Variants in MIPOL1 observed in about 807,000 individuals in gnomAD.
MIPOL1 encodes the protein mirror-image polydactyly 1, also known as mirror-image polydactyly gene 1 protein.
MIPOL1 carries 57 observed loss-of-function variants against 60.9 expected under a neutral mutation model. The observed-to-expected ratio is 0.94, with a 90% CI of 0.76 to 1.17. MIPOL1 has a LOEUF of 1.17. Ranked by LOEUF, MIPOL1 falls within the 50% of genes most tolerant of loss-of-function variation. The pLI is 0.00. For missense variants in MIPOL1, 551 were observed against 511.6 expected, an observed-to-expected ratio of 1.08 and a Z score of -0.74; for synonymous variants, 179 against 168.8, an observed-to-expected ratio of 1.06 and a Z score of -0.47.
Position 37,547,017 on chromosome 14 carries a change from A to G in MIPOL1, c.*46A>G, listed in dbSNP as rs2095550210. On this transcript the variant is annotated 3_prime_UTR_variant, in exon 13 of 13. Coordinates refer to ENST00000684589, the MANE Select transcript of MIPOL1 (RefSeq NM_001388067.1). ...GGGGAAGCGATCACATCTGGTGACC[A>G]GGCTGCTTCATTCAACACTGTGTAA... 6.4e-7 allele frequency: 1 copy of G among 1,550,832 alleles called. No individual in the cohort carries two copies. Among genetic ancestry groups the G allele is most frequent in the Non-Finnish European group, 8.9e-7 (1 of 1,123,718 alleles).
intron 3 of MIPOL1, among the ~76,000 whole-genome samples, chr14:37,250,398 A>G (rs971363014): frequency 2.0e-5 from 3 of 151,970 alleles, no homozygotes; most frequent in African/African-American, 7.2e-5. Context: ...AAATACACAA[A>G]TTAGCTGGGT....
chr14:37,233,136 A>G (rs1486219709), intron 1 of MIPOL1, among the ~76,000 whole-genome samples: 2 of 152,164 alleles, frequency 1.3e-5, no homozygotes, highest in Admixed American at 1.3e-4. Context: ...ATGAAATGCT[A>G]CTGAAAACAC....
intron 3 of MIPOL1, among the ~76,000 whole-genome samples, chr14:37,264,812 C>G (rs930733642): frequency 2.6e-5 from 4 of 152,064 alleles, no homozygotes; most frequent in Non-Finnish European, 5.9e-5. Context: ...CAGTTTTTGT[C>G]GGCTTTCTCA....
chr14:37,299,086 G>A (rs900118225), intron 7 of MIPOL1, among the ~76,000 whole-genome samples: 1 of 152,114 alleles, frequency 6.6e-6, no homozygotes, highest in Admixed American at 6.6e-5. Context: ...AGAAAATGTG[G>A]CACATATACA....
chr14:37,282,139 C>A (rs898478587), intron 6 of MIPOL1, among the ~76,000 whole-genome samples: 1 of 151,838 alleles, frequency 6.6e-6, no homozygotes, highest in African/African-American at 2.4e-5. Flanking sequence ...AAGAGCATTT[C>A]AAAATTTTTC....
At chr14:37,389,129 G>T (rs192842530) in intron 10 of MIPOL1, among the ~76,000 whole-genome samples, 14 of 151,926 alleles carry the variant, frequency 9.2e-5, no homozygotes, top group Admixed American at 4.6e-4. Flanking sequence ...GACAATCTAG[G>T]TCTGCTTCTA....
chr14:37,394,946 G>C (rs1403807081), intron 10 of MIPOL1, among the ~76,000 whole-genome samples: 2 of 152,148 alleles, frequency 1.3e-5, no homozygotes, highest in African/African-American at 4.8e-5. Flanking sequence ...TTTGTATAAA[G>C]TGAGAGATAA....
intron 11 of MIPOL1, among the ~76,000 whole-genome samples, chr14:37,463,734 T>C (rs2094566686): frequency 6.6e-6 from 1 of 151,812 alleles, no homozygotes; most frequent in Non-Finnish European, 1.5e-5. Context: ...AAAGCAAATG[T>C]GACAAAAACA....
chr14:37,269,728 T>C (rs1044778829), intron 5 of MIPOL1, among the ~76,000 whole-genome samples: 7 of 152,230 alleles, frequency 4.6e-5, no homozygotes, highest in Non-Finnish European at 1.0e-4. Context: ...TAAGATAAAC[T>C]GTAAAGCAGT....
intron 12 of MIPOL1, among the ~76,000 whole-genome samples, chr14:37,519,498 A>G (rs1475826183): frequency 1.3e-5 from 2 of 152,170 alleles, no homozygotes; most frequent in Non-Finnish European, 2.9e-5. Context: ...TATTTTTCTC[A>G]TGAAGTTTTT....
chr14:37,382,725 A>G (rs2092957316), intron 10 of MIPOL1, among the ~76,000 whole-genome samples: 2 of 151,986 alleles, frequency 1.3e-5, no homozygotes, highest in Non-Finnish European at 1.5e-5. Context: ...GCATTAAAAC[A>G]GATATTAAAT....
At chr14:37,467,154 A>G (rs1030563405) in intron 11 of MIPOL1, among the ~76,000 whole-genome samples, 3 of 152,228 alleles carry the variant, frequency 2.0e-5, no homozygotes, top group African/African-American at 7.2e-5. Flanking sequence ...GCTCTCAAAG[A>G]AACAATAACC....
intron 11 of MIPOL1, among the ~76,000 whole-genome samples, chr14:37,487,080 C>CT (rs1424000039): frequency 6.6e-6 from 1 of 152,088 alleles, no homozygotes; most frequent in African/African-American, 2.4e-5. Flanking sequence ...TTTTCTGCAT[C>CT]TAATGAGATA....
At chr14:37,418,626 C>G (rs2153546417) in intron 10 of MIPOL1, among the ~76,000 whole-genome samples, 1 of 152,116 alleles carries the variant, frequency 6.6e-6, no homozygotes, top group South Asian at 2.1e-4. Context: ...ACAAATGGGT[C>G]TGAATTTCTA....
chr14:37,440,058 G>A (rs759140105), intron 11 of MIPOL1, among the ~76,000 whole-genome samples: 3 of 152,066 alleles, frequency 2.0e-5, no homozygotes, highest in Non-Finnish European at 2.9e-5. Context: ...TGTTATCCTA[G>A]CTGGTCTTGA....
At chr14:37,304,169 A>G (rs1329013212) in intron 7 of MIPOL1, among the ~76,000 whole-genome samples, 2 of 151,726 alleles carry the variant, frequency 1.3e-5, no homozygotes, top group Non-Finnish European at 3.0e-5. Context: ...TTTTAAAAAA[A>G]TTCCTAATTT....
In MIPOL1 at chr14:37,517,803, G is replaced by A. The variant is rs140464242; in HGVS notation, c.1262+17665G>A. On this transcript the variant is annotated intron_variant, in intron 12 of 12. Transcript: ENST00000684589. ...ATACTGCCTTTTGTGTGAGAAATAA[G>A]AATAAAAGGAACAGGAAAGATCAGC... 1.4e-3 allele frequency among the ~76,000 whole-genome samples: 219 copies of A among 152,230 alleles called. 1 individual carries two copies. Among genetic ancestry groups the A allele is most frequent in the African/African-American group, 3.9e-3 (164 of 41,550 alleles).
intron 7 of MIPOL1, among the ~76,000 whole-genome samples, chr14:37,289,920 T>C (rs1004546581): frequency 1.3e-5 from 2 of 152,146 alleles, no homozygotes; most frequent in African/African-American, 4.8e-5. Context: ...CTTTGGAGAT[T>C]CCCTGTAGGT....
chr14:37,260,432 C>A (rs2082444968), intron 3 of MIPOL1, among the ~76,000 whole-genome samples: 2 of 152,096 alleles, frequency 1.3e-5, no homozygotes, highest in Admixed American at 1.3e-4. Context: ...GTAGAAACCA[C>A]ATCTGTGTAA....
Sources: allele counts gnomAD v4.1 joint callset (sites outside exome capture counted in the v4.1 genomes callset), GRCh38; gene constraint gnomAD v4.1.1; transcripts MANE v1.5; gene names NCBI Gene and HGNC (gene_info 2026-07-23, HGNC 2026-07-21).